FLYWCH1: variants seen among roughly 807,000 people sequenced by gnomAD.
FLYWCH1 encodes the protein FLYWCH-type zinc finger-containing protein 1.
In FLYWCH1, 75 loss-of-function variants were observed where a neutral mutation model predicts 66.4. That is an observed-to-expected ratio of 1.13 (90% CI 0.94 to 1.37). FLYWCH1 has a LOEUF of 1.37. FLYWCH1 is among the 40% of genes most tolerant of loss of function. FLYWCH1 has a pLI of 0.00. For missense variants in FLYWCH1, 1,334 were observed against 1,001.8 expected (o/e 1.33, Z -4.48); for synonymous variants, 595 against 429.9 (o/e 1.38, Z -4.75).
Position 2,936,940 on chromosome 16 carries a change from GACCCCAGCAGCTGGA to G in FLYWCH1, c.1514-180_1514-166del, listed in dbSNP as rs1435607916. On this transcript the variant is annotated intron_variant, in intron 6 of 9. Transcript: ENST00000253928. ...GACCAGTCCCCAGCCTCAGGAGGCG[GACCCCAGCAGCTGGA>G]GCCCCAGCAGAGTTGGGGGGATGGT... 1.5e-5 allele frequency: 12 copies of G among 817,340 alleles called. No individual in the cohort carries two copies. The African/African-American group carries it at 1.5e-4, about 11-fold the overall frequency. 50.6% of individuals were successfully genotyped at this position (817,340 alleles called of 1,614,324 possible).
At chr16:2,920,867 A>C (rs569785581) in intron 2 of FLYWCH1, among the ~76,000 whole-genome samples, 10 of 92,106 alleles carry the variant, frequency 1.1e-4, no homozygotes, top group Non-Finnish European at 1.8e-4. Context: ...TTTTTGAGAC[A>C]GTCTCACTCT....
chr16:2,940,132 A>T, intron 9 of FLYWCH1, 40 bp downstream of exon 9: 1 of 944,788 alleles, frequency 1.1e-6, no homozygotes, highest in South Asian at 1.4e-5. Flanking sequence ...GACCAATTAC[A>T]ACAAAACGTA....
At chr16:2,923,050 G>T (rs2070432131) in intron 2 of FLYWCH1, 2 of 430,988 alleles carry the variant, frequency 4.6e-6, no homozygotes, top group African/African-American at 2.1e-5. Context: ...TTTTGTGTGT[G>T]TGTGGCTGTT....
chr16:2,934,873 G>T, intron 6 of FLYWCH1: 4 of 242,674 alleles, frequency 1.6e-5, no homozygotes, highest in Admixed American at 5.8e-5. Context: ...CTATTAATTG[G>T]TTTTTCCATT....
At chr16:2,942,744 T>TTTTC (rs1349200193) in intron 9 of FLYWCH1, among the ~76,000 whole-genome samples, 1 of 141,752 alleles carries the variant, frequency 7.1e-6, no homozygotes, top group African/African-American at 2.7e-5. Context: ...TTTTTTTTTT[T>TTTTC]GAGACGGAGT....
intron 2 of FLYWCH1, among the ~76,000 whole-genome samples, chr16:2,917,025 G>A (rs1019808057): frequency 5.3e-5 from 8 of 150,102 alleles, no homozygotes; most frequent in African/African-American, 9.8e-5. Context: ...GCGTGGTAGC[G>A]CGCACCTGTA....
chr16:2,927,324 T>C (rs1259166742), intron 2 of FLYWCH1, among the ~76,000 whole-genome samples: 2 of 152,148 alleles, frequency 1.3e-5, no homozygotes, highest in Admixed American at 1.3e-4. Flanking sequence ...AATTTTACAA[T>C]CGGTACCGGC....
Position 2,933,224 on chromosome 16 carries a change from G to C in FLYWCH1, c.891G>C (p.Gly297=). The change falls in exon 5 of 10, where the codon GGG becomes GGC. Residue 297 remains glycine (G), a synonymous_variant. Coordinates refer to ENST00000253928, the MANE Select transcript of FLYWCH1 (RefSeq NM_001308068.2). ...TCTACAAGCGGGAGAAGGCTGTCGG[G>C]GACAAGGTGTATTGGACCTGCCGGG... The part of the protein sequence containing the change: ...SFLYKREKAV[G]DKVYWTCRDH... 2 of 1,613,674 alleles carry C rather than the reference G, an allele frequency of 1.2e-6. No individual in the cohort carries two copies. Among genetic ancestry groups the C allele is most frequent in the Non-Finnish European group, 1.7e-6 (2 of 1,179,826 alleles).
At chr16:2,942,012 A>C (rs531619789) in intron 9 of FLYWCH1, among the ~76,000 whole-genome samples, 50 of 146,464 alleles carry the variant, frequency 3.4e-4, no homozygotes, top group African/African-American at 1.1e-3. Context: ...AAAAAAAAAA[A>C]AAAAAAAAAA....
chr16:2,915,779 A>G (rs974737027), intron 2 of FLYWCH1, among the ~76,000 whole-genome samples: 9 of 151,612 alleles, frequency 5.9e-5, no homozygotes, highest in Admixed American at 5.3e-4. Flanking sequence ...CCTGGGAGAC[A>G]GAGCAAGACT....
chr16:2,944,859 C>T (rs1371748654), intron 9 of FLYWCH1, among the ~76,000 whole-genome samples: 6 of 151,822 alleles, frequency 4.0e-5, no homozygotes, highest in African/African-American at 1.5e-4. Flanking sequence ...GTAAAACGGC[C>T]TCAGGCAGGT....
Position 2,948,865 on chromosome 16 carries a change from C to T in FLYWCH1, c.*138C>T, listed in dbSNP as rs1400256187. Reference sequence around the variant, plus strand: ...AAAGCATCGATGGTCTTCGCGTCTCCTCAGGAGGTCTCCCAGGAGGAATTC... The same window carrying T: ...AAAGCATCGATGGTCTTCGCGTCTCTTCAGGAGGTCTCCCAGGAGGAATTC... On this transcript the variant is annotated 3_prime_UTR_variant, in exon 10 of 10. Transcript: ENST00000253928. 1 of 700,696 alleles carries T rather than the reference C, an allele frequency of 1.4e-6. No individual in the cohort carries two copies. The highest frequency in any genetic ancestry group is 1.8e-5 in the African/African-American group (1 of 56,024). 43.4% of individuals were successfully genotyped at this position (700,696 alleles called of 1,614,324 possible).
Position 2,929,731 on chromosome 16 carries a change from G to T in FLYWCH1, c.46G>T (p.Ala16Ser), listed in dbSNP as rs756132703. ...CGAGCAGGAGGGCGAGAGTGTGAAG[G>T]CCGGCCAGGAGCCATCCCCCAAGCC... ...PSEQEGESVK[A>S]GQEPSPKPGT... Residue 16 changes from alanine (A) to serine (S), a missense_variant, in exon 3 of 10, where the codon GCC becomes TCC. Coordinates refer to ENST00000253928, the MANE Select transcript of FLYWCH1 (RefSeq NM_001308068.2). 2.5e-6 allele frequency: 4 copies of T among 1,613,546 alleles called. No individual in the cohort carries two copies. The highest frequency in any genetic ancestry group is 3.4e-6 in the Non-Finnish European group (4 of 1,179,814).
chr16:2,930,903 C>G (rs765657859), intron 4 of FLYWCH1, 23 bp downstream of exon 4: 6 of 1,545,006 alleles, frequency 3.9e-6, no homozygotes, highest in Non-Finnish European at 5.2e-6. Context: ...CACTCCCCTG[C>G]TGCGTCCACT....
chr16:2,937,840 G>A (rs1435821647), intron 7 of FLYWCH1, among the ~76,000 whole-genome samples: 1 of 136,016 alleles, frequency 7.4e-6, no homozygotes, highest in Non-Finnish European at 1.6e-5. Context: ...GGTGGACAGG[G>A]AGCCAGGAGG....
At position 2,933,492 on chromosome 16, in the gene FLYWCH1, C is replaced by T. The variant is rs757051270; in HGVS notation, c.1159C>T (p.Arg387Trp). The T allele has an allele frequency of 1.2e-5, 19 of 1,608,376 alleles. No homozygotes were observed. The highest frequency in any genetic ancestry group is 1.0e-4 in the South Asian group (9 of 90,150). ...GPGPLTLTRPRPRKRAKVEDQ... is the reference protein window; with the variant it reads ...GPGPLTLTRPWPRKRAKVEDQ... ...GGGTCCCCTGACTCTCACCAGGCCT[C>T]GGCCCAGAAAGCGAGCAAAGGTCGA... Residue 387 changes from arginine (R) to tryptophan (W), a missense_variant, in exon 5 of 10, where the codon CGG (arginine) becomes TGG (tryptophan). Physicochemically the swap from Arg to Trp is moderately radical, Grantham distance 101 (BLOSUM62 -3). Transcript: ENST00000253928.
In FLYWCH1 at chr16:2,933,909, CGACCTGGGA is replaced by C; in HGVS notation, c.1445_1453del (p.Asp482_Gly484del). 1 of 1,577,374 alleles carries C rather than the reference CGACCTGGGA, an allele frequency of 6.3e-7. No homozygotes were observed. The highest frequency in any genetic ancestry group is 1.3e-5 in the African/African-American group (1 of 74,202). ...TCATGCGTGGTCACTGCCACCCGCCCGACCTGGGAGGCCTGGAGGCCCTGAGGCAGCGGG... is the reference window on the plus strand; with the variant it reads ...TCATGCGTGGTCACTGCCACCCGCCCGGCCTGGAGGCCCTGAGGCAGCGGG... On this transcript the variant is annotated inframe_deletion, in exon 6 of 10. Coordinates refer to ENST00000253928, the MANE Select transcript of FLYWCH1 (RefSeq NM_001308068.2).
Position 2,933,220 on chromosome 16 carries a change from T to G in FLYWCH1, c.887T>G (p.Val296Gly), listed in dbSNP as rs1322019320. Reference protein sequence around the residue: ...ESFLYKREKAVGDKVYWTCRD... With the variant: ...ESFLYKREKAGGDKVYWTCRD... ...TTCCTCTACAAGCGGGAGAAGGCTGTCGGGGACAAGGTGTATTGGACCTGC... is the reference window on the plus strand; with the variant it reads ...TTCCTCTACAAGCGGGAGAAGGCTGGCGGGGACAAGGTGTATTGGACCTGC... Residue 296 changes from valine (V) to glycine (G), a missense_variant, in exon 5 of 10, where the codon GTC becomes GGC. Val to Gly is a moderately radical substitution (Grantham distance 109). Transcript: ENST00000253928. 1 of 1,612,992 alleles carries G rather than the reference T, an allele frequency of 6.2e-7. No individual in the cohort carries two copies.
In FLYWCH1 at chr16:2,948,751, G is replaced by A. The variant is rs371769710; in HGVS notation, c.*24G>A. 288 of 1,613,230 alleles carry A rather than the reference G, an allele frequency of 1.8e-4. No individual in the cohort carries two copies. Among genetic ancestry groups the A allele is most frequent in the Admixed American group, 3.3e-4 (20 of 60,000 alleles). On this transcript the variant is annotated 3_prime_UTR_variant, in exon 10 of 10. Transcript: ENST00000253928. The stretch of plus-strand genomic sequence containing the variant: ...GAGGCGATGTGGGCAGAGGAGCTCC[G>A]AGCCGCCCACCCAAGGTGGCTTCAC...
Sources: allele counts gnomAD v4.1 joint callset (sites outside exome capture counted in the v4.1 genomes callset), GRCh38; gene constraint gnomAD v4.1.1; transcripts MANE v1.5; gene names NCBI Gene and HGNC (gene_info 2026-07-23, HGNC 2026-07-21).